R3HCC1L: variants seen among roughly 807,000 people sequenced by gnomAD.
R3HCC1L encodes R3H domain and coiled-coil containing 1 like, also known as coiled-coil domain-containing protein R3HCC1L.
In R3HCC1L, 51 loss-of-function variants were observed where a neutral mutation model predicts 59.9. The ratio of observed to expected loss-of-function variants is 0.85; its 90% CI spans 0.68 to 1.07. R3HCC1L has a LOEUF of 1.07. Among genes scored for constraint, R3HCC1L ranks in the 50% least tolerant of loss-of-function variants. The pLI is 0.00. For missense variants in R3HCC1L, 965 were observed against 933.0 expected, an observed-to-expected ratio of 1.03 and a Z score of -0.45; for synonymous variants, 322 against 315.2, an observed-to-expected ratio of 1.02 and a Z score of -0.23.
At chr10:98,183,941 T>C (rs914381664) in intron 4 of R3HCC1L, among the ~76,000 whole-genome samples, 3 of 148,796 alleles carry the variant, frequency 2.0e-5, no homozygotes, top group African/African-American at 7.4e-5. Context: ...TGTTTTTTTT[T>C]CTTTGCTCCT....
chr10:98,221,484 G>A (rs551288543), intron 5 of R3HCC1L, among the ~76,000 whole-genome samples: 16 of 151,722 alleles, frequency 1.1e-4, no homozygotes, highest in South Asian at 4.2e-4. Flanking sequence ...TAATGCCTAG[G>A]TTTTCTTCTA....
intron 5 of R3HCC1L, among the ~76,000 whole-genome samples, chr10:98,213,683 A>G (rs954565791): frequency 5.3e-5 from 8 of 152,184 alleles, no homozygotes; most frequent in African/African-American, 1.9e-4. Context: ...AAAAAAATCT[A>G]TAGACTTTAT....
At chr10:98,194,861 T>C (rs577494900) in intron 4 of R3HCC1L, among the ~76,000 whole-genome samples, 1 of 152,288 alleles carries the variant, frequency 6.6e-6, no homozygotes, top group South Asian at 2.1e-4. Context: ...CCTTGCACAC[T>C]GTTGGTGGGA....
chr10:98,190,023 T>G (rs988908120), intron 4 of R3HCC1L, among the ~76,000 whole-genome samples: 3 of 152,244 alleles, frequency 2.0e-5, no homozygotes, highest in African/African-American at 7.2e-5. Context: ...GTCTCTGATA[T>G]AAAACGGCAG....
chr10:98,231,427 GA>G lies in R3HCC1L; in HGVS notation c.1786-84del, dbSNP rs1463048758. On this transcript the variant is annotated intron_variant, in intron 5 of 9. Coordinates refer to ENST00000298999, the MANE Select transcript of R3HCC1L (RefSeq NM_001351015.2). ...AGGAATGGGAACATGTAGAGAAAGG[GA>G]GGAGGATTGTTTATATATAGGAATA... is the stretch of plus-strand genomic sequence containing the variant. 60 of 1,245,984 alleles carry G rather than the reference GA, an allele frequency of 4.8e-5. No individual in the cohort carries two copies. In the African/African-American group the frequency reaches 8.8e-4, roughly 18 times the overall value. The allele number at this position is 1,245,984 out of a possible 1,614,324, so 77.2% of individuals were successfully genotyped here. A position where few individuals can be genotyped will look rare whatever the true frequency, so the allele number is the denominator to read the frequency against.
intron 5 of R3HCC1L, among the ~76,000 whole-genome samples, chr10:98,222,920 A>G (rs554953005): frequency 8.5e-5 from 13 of 152,354 alleles, no homozygotes; most frequent in South Asian, 4.1e-4. Flanking sequence ...CCTCTACGCA[A>G]ATAAACTGGA....
intron 1 of R3HCC1L, among the ~76,000 whole-genome samples, chr10:98,150,399 A>G (rs531065150): frequency 1.4e-4 from 22 of 151,774 alleles, no homozygotes; most frequent in Non-Finnish European, 2.2e-4. Context: ...TCTTTGTTCC[A>G]GTCTTTTCTT....
chr10:98,140,862 A>T (rs184674362), intron 1 of R3HCC1L, among the ~76,000 whole-genome samples: 24 of 152,278 alleles, frequency 1.6e-4, no homozygotes, highest in African/African-American at 3.1e-4. Context: ...ACACATTTTT[A>T]AAAAAATTAA....
intron 5 of R3HCC1L, among the ~76,000 whole-genome samples, chr10:98,214,399 C>G (rs1364302093): frequency 6.6e-6 from 1 of 152,036 alleles, no homozygotes; most frequent in Non-Finnish European, 1.5e-5. Context: ...ATCATAAAAT[C>G]TTAAATTGAT....
chr10:98,142,517 A>G (rs1564980280), intron 1 of R3HCC1L, among the ~76,000 whole-genome samples: 1 of 152,190 alleles, frequency 6.6e-6, no homozygotes, highest in East Asian at 1.9e-4. Context: ...ATGTGTCTGT[A>G]GTCCCAGCTA....
At chr10:98,223,998 G>A (rs143291114) in intron 5 of R3HCC1L, among the ~76,000 whole-genome samples, 5 of 152,164 alleles carry the variant, frequency 3.3e-5, no homozygotes, top group African/African-American at 9.7e-5. Context: ...TTACGCAGGT[G>A]GGGGGTTGTG....
At chr10:98,231,834 A>C (rs1299701443) in intron 6 of R3HCC1L, 147 bp downstream of exon 6, 2 of 871,172 alleles carry the variant, frequency 2.3e-6, no homozygotes. Flanking sequence ...GGTCCAGTAG[A>C]AATTTTCTAT....
chr10:98,173,298 C>T (rs1848689950), intron 4 of R3HCC1L, among the ~76,000 whole-genome samples: 1 of 152,084 alleles, frequency 6.6e-6, no homozygotes, highest in South Asian at 2.1e-4. Context: ...TAGCTCTGTG[C>T]TCATGTTGCC....
intron 7 of R3HCC1L, among the ~76,000 whole-genome samples, chr10:98,234,865 C>T (rs1856750332): frequency 2.0e-5 from 3 of 151,890 alleles, no homozygotes; most frequent in South Asian, 2.1e-4. Context: ...ATTTAATTAG[C>T]CCTTTAACCT....
At chr10:98,198,298 C>A (rs979265355) in intron 4 of R3HCC1L, among the ~76,000 whole-genome samples, 1 of 151,956 alleles carries the variant, frequency 6.6e-6, no homozygotes, top group Non-Finnish European at 1.5e-5. Flanking sequence ...TTTAATACTA[C>A]ACTAAATTAC....
At chr10:98,218,167 G>T (rs1854430838) in intron 5 of R3HCC1L, among the ~76,000 whole-genome samples, 1 of 152,010 alleles carries the variant, frequency 6.6e-6, no homozygotes, top group Non-Finnish European at 1.5e-5. Context: ...CCTTTATTAT[G>T]TTGAGGTATG....
intron 4 of R3HCC1L, among the ~76,000 whole-genome samples, chr10:98,205,618 C>A (rs549404765): frequency 5.3e-4 from 80 of 152,296 alleles, no homozygotes; most frequent in South Asian, 2.3e-3. Flanking sequence ...TATTTGCCAG[C>A]ACACTGCTGG....
At chr10:98,140,802 A>G (rs1381311397) in intron 1 of R3HCC1L, among the ~76,000 whole-genome samples, 2 of 152,196 alleles carry the variant, frequency 1.3e-5, no homozygotes, top group East Asian at 3.8e-4. Context: ...TATCAAGTCA[A>G]TTTATGTATT....
chr10:98,134,667 C>G lies in R3HCC1L; in HGVS notation c.-307C>G, dbSNP rs1383438372. ...AGCGGCGCGAGCGGAAGAGATAGAG[C>G]TTCGCGGAGACGGCGGAAGCGGAGA... On this transcript the variant is annotated 5_prime_UTR_variant, in exon 1 of 10. Transcript: ENST00000298999. The G allele has an allele frequency of 6.6e-6, 1 of 152,320 alleles. No homozygotes were observed. Among genetic ancestry groups the G allele is most frequent in the Non-Finnish European group, 1.5e-5 (1 of 68,114 alleles). The allele number at this position is 152,320 out of a possible 1,614,324, so 9.4% of individuals were successfully genotyped here.
Sources: gnomAD v4.1 joint callset for allele counts (sites outside exome capture counted in the v4.1 genomes callset) on GRCh38, gnomAD v4.1.1 for gene constraint, MANE v1.5 for transcripts, NCBI Gene and HGNC (gene_info 2026-07-23, HGNC 2026-07-21) for gene names.